Variants in DYRK1A observed in about 807,000 individuals in gnomAD.
The protein encoded by DYRK1A is dual specificity tyrosine-phosphorylation-regulated kinase 1A.
Under a neutral mutation model 79.7 loss-of-function variants are expected in DYRK1A, and 9 were observed. The observed-to-expected ratio is 0.11, with a 90% CI of 0.07 to 0.20. DYRK1A has a LOEUF of 0.20. Among genes scored for constraint, DYRK1A ranks in the 10% least tolerant of loss-of-function variants. The pLI is 1.00. For missense variants in DYRK1A, 622 were observed against 956.0 expected (o/e 0.65, Z 4.61); for synonymous variants, 349 against 329.7 (o/e 1.06, Z -0.63).
chr21:37,401,830 A>C (rs1430054404), intron 1 of DYRK1A, among the ~76,000 whole-genome samples: 2 of 152,140 alleles, frequency 1.3e-5, no homozygotes, highest in Non-Finnish European at 2.9e-5. Context: ...TTGTAATGAA[A>C]GGTTCTTTGT....
intron 1 of DYRK1A, chr21:37,418,772 C>T (rs1451848704): frequency 2.0e-5 from 3 of 152,118 alleles, no homozygotes; most frequent in Non-Finnish European, 4.4e-5. Context: ...ATACACCCCC[C>T]ACAATATGAT....
At chr21:37,509,612 G>GT (rs1402763410) in intron 11 of DYRK1A, among the ~76,000 whole-genome samples, 25 of 152,092 alleles carry the variant, frequency 1.6e-4, no homozygotes, top group Non-Finnish European at 1.5e-5. Flanking sequence ...ACACCCTGCA[G>GT]TGAGGTCTCA....
chr21:37,372,106 T>C (rs976300702), intron 1 of DYRK1A, among the ~76,000 whole-genome samples: 1 of 151,990 alleles, frequency 6.6e-6, no homozygotes, highest in African/African-American at 2.4e-5. Context: ...GTTATGGACA[T>C]GTATGGTTAA....
chr21:37,505,343 C>T lies in DYRK1A; in HGVS notation c.1273C>T (p.Pro425Ser). The change falls in exon 10 of 12, where the codon CCT becomes TCT. Residue 425 changes from proline to serine, a missense_variant. Pro to Ser is a moderately conservative substitution (Grantham distance 74). Coordinates refer to ENST00000647188, the MANE Select transcript of DYRK1A (RefSeq NM_001347721.2). ...HNILGVETGG[P>S]GGRRAGESGH... ...CATTCTTGGAGTGGAAACAGGAGGACCTGGTGGGCGACGTGCTGGGGAGTC... is the reference window on the plus strand; with the variant it reads ...CATTCTTGGAGTGGAAACAGGAGGATCTGGTGGGCGACGTGCTGGGGAGTC... The T allele has an allele frequency of 6.2e-7, 1 of 1,614,100 alleles. No individual in the cohort carries two copies. Among genetic ancestry groups the T allele is most frequent in the Non-Finnish European group, 8.5e-7 (1 of 1,180,014 alleles).
At chr21:37,497,298 T>G (rs2053300829) in intron 9 of DYRK1A, among the ~76,000 whole-genome samples, 1 of 152,216 alleles carries the variant, frequency 6.6e-6, no homozygotes, top group African/African-American at 2.4e-5. Context: ...GTTGTATCTT[T>G]CAAAACTGAT....
chr21:37,405,721 C>A (rs764648517), intron 1 of DYRK1A, among the ~76,000 whole-genome samples: 3 of 152,132 alleles, frequency 2.0e-5, no homozygotes, highest in Admixed American at 6.5e-5. Flanking sequence ...TCTTTCCCTC[C>A]CTCATAACTT....
chr21:37,485,413 C>T (rs1266468029), intron 5 of DYRK1A, among the ~76,000 whole-genome samples: 1 of 151,882 alleles, frequency 6.6e-6, no homozygotes, highest in African/African-American at 2.4e-5. Flanking sequence ...GAGATTAGTG[C>T]ATTTTTTATT....
intron 2 of DYRK1A, among the ~76,000 whole-genome samples, chr21:37,463,344 C>A (rs916467763): frequency 1.3e-5 from 2 of 152,118 alleles, no homozygotes; most frequent in South Asian, 4.1e-4. Flanking sequence ...TTTGCATAGT[C>A]ACAGTCATTG....
intron 1 of DYRK1A, among the ~76,000 whole-genome samples, chr21:37,381,518 G>A (rs2049658166): frequency 6.6e-6 from 1 of 152,130 alleles, no homozygotes; most frequent in Admixed American, 6.5e-5. Flanking sequence ...GTTGTGGAGA[G>A]GGATCAGCCT....
At chr21:37,416,149 A>G (rs1382980155) in intron 1 of DYRK1A, among the ~76,000 whole-genome samples, 2 of 152,042 alleles carry the variant, frequency 1.3e-5, no homozygotes, top group Non-Finnish European at 2.9e-5. Context: ...AAGTAACACT[A>G]CCTACTCGTA....
intron 2 of DYRK1A, among the ~76,000 whole-genome samples, chr21:37,426,766 AAAAAT>A (rs2050631430): frequency 1.3e-5 from 2 of 150,734 alleles, no homozygotes; most frequent in Non-Finnish European, 3.0e-5. Flanking sequence ...AAAAAAAAAA[AAAAAT>A]AAGCCAGGTT....
chr21:37,425,344 C>T (rs1190703624), intron 2 of DYRK1A, among the ~76,000 whole-genome samples: 1 of 152,136 alleles, frequency 6.6e-6, no homozygotes, highest in African/African-American at 2.4e-5. Flanking sequence ...TACATTTCTT[C>T]AAGTGGTTTT....
At chr21:37,497,433 G>GT (rs2053305687) in intron 9 of DYRK1A, among the ~76,000 whole-genome samples, 1 of 152,066 alleles carries the variant, frequency 6.6e-6, no homozygotes. Context: ...CTGGGCTCTT[G>GT]TTTTTTCTTT....
At chr21:37,447,355 T>TAC (rs1277420308) in intron 2 of DYRK1A, among the ~76,000 whole-genome samples, 1 of 152,192 alleles carries the variant, frequency 6.6e-6, no homozygotes, top group Non-Finnish European at 1.5e-5. Flanking sequence ...TACATATATA[T>TAC]ACACATTTTT....
intron 1 of DYRK1A, among the ~76,000 whole-genome samples, chr21:37,402,795 C>G (rs1379978878): frequency 6.6e-6 from 1 of 151,904 alleles, no homozygotes; most frequent in Non-Finnish European, 1.5e-5. Flanking sequence ...CAGAGTCTTA[C>G]TCTGTTGCCC....
intron 11 of DYRK1A, among the ~76,000 whole-genome samples, chr21:37,507,641 G>A (rs1601323940): frequency 6.6e-6 from 1 of 151,906 alleles, no homozygotes; most frequent in Non-Finnish European, 1.5e-5. Context: ...TGGTTTCCTT[G>A]GCAGGATGTT....
chr21:37,466,803 T>TA (rs918350460), intron 2 of DYRK1A, among the ~76,000 whole-genome samples: 126 of 150,816 alleles, frequency 8.4e-4, no homozygotes, highest in African/African-American at 1.4e-3. Context: ...GACCAAAATT[T>TA]AAAAAAAAAT....
At chr21:37,439,044 A>G (rs890821557) in intron 2 of DYRK1A, among the ~76,000 whole-genome samples, 3 of 152,072 alleles carry the variant, frequency 2.0e-5, no homozygotes, top group African/African-American at 7.2e-5. Context: ...AGTATTTCAT[A>G]TTTTTGTCAC....
chr21:37,373,536 T>C (rs1249099116), intron 1 of DYRK1A, among the ~76,000 whole-genome samples: 1 of 152,246 alleles, frequency 6.6e-6, no homozygotes, highest in Non-Finnish European at 1.5e-5. Context: ...CTAAGGCTGA[T>C]ATGGTGGCAC....
Sources: gnomAD v4.1 joint callset for allele counts (sites outside exome capture counted in the v4.1 genomes callset) on GRCh38, gnomAD v4.1.1 for gene constraint, MANE v1.5 for transcripts, NCBI Gene and HGNC (gene_info 2026-07-23, HGNC 2026-07-21) for gene names.